The following DEPDC5 variants were observed in gnomAD, a reference collection of about 807,000 sequenced individuals.
DEPDC5 encodes the protein GATOR1 complex protein DEPDC5.
Under a neutral mutation model 217.3 loss-of-function variants are expected in DEPDC5, and 73 were observed. That is an observed-to-expected ratio of 0.34 (90% CI 0.28 to 0.41). DEPDC5 has a LOEUF of 0.41. DEPDC5 is among the 10% of genes least tolerant of loss of function. DEPDC5 has a pLI of 1.00. For synonymous variants in DEPDC5, 733 were observed against 756.7 expected (o/e 0.97, Z 0.51); for missense variants, 1,675 against 2,070.1 (o/e 0.81, Z 3.70).
intron 41 of DEPDC5, among the ~76,000 whole-genome samples, chr22:31,903,378 A>C (rs71326510): frequency 1.0e-3 from 2 of 1,980 alleles, no homozygotes; most frequent in Non-Finnish European, 2.0e-3. Flanking sequence ...CCACACCTAA[A>C]CCCCCCCACC....
At chr22:31,862,795 G>C (rs2092561372) in intron 33 of DEPDC5, among the ~76,000 whole-genome samples, 1 of 152,120 alleles carries the variant, frequency 6.6e-6, no homozygotes, top group Non-Finnish European at 1.5e-5. Flanking sequence ...TGTAACCATA[G>C]GCAAATCCCT....
chr22:31,902,544 C>G (rs1302995604), intron 41 of DEPDC5, among the ~76,000 whole-genome samples: 1 of 151,698 alleles, frequency 6.6e-6, no homozygotes, highest in Non-Finnish European at 1.5e-5. Flanking sequence ...AGACCTAGCT[C>G]AGGTGCTTAG....
At chr22:31,828,617 T>C (rs1220620680) in intron 24 of DEPDC5, among the ~76,000 whole-genome samples, 1 of 152,230 alleles carries the variant, frequency 6.6e-6, no homozygotes, top group East Asian at 1.9e-4. Context: ...GATTCCTTTT[T>C]TTCAAAGACT....
intron 11 of DEPDC5, among the ~76,000 whole-genome samples, chr22:31,792,493 C>CT (rs1287992226): frequency 6.6e-6 from 1 of 150,852 alleles, no homozygotes; most frequent in Non-Finnish European, 1.5e-5. Flanking sequence ...GTAGTCCCAG[C>CT]TACCCAGGAG....
chr22:31,760,294 T>C (rs1402413269), intron 3 of DEPDC5, among the ~76,000 whole-genome samples: 1 of 151,616 alleles, frequency 6.6e-6, no homozygotes, highest in Non-Finnish European at 1.5e-5. Context: ...GGTCTCGATC[T>C]CCTGACCTCA....
intron 26 of DEPDC5, among the ~76,000 whole-genome samples, chr22:31,837,696 G>A (rs1366505609): frequency 6.6e-6 from 1 of 150,844 alleles, no homozygotes; most frequent in East Asian, 2.0e-4. Context: ...TTTATATTTG[G>A]GTAACTTTTT....
chr22:31,754,720 C>G (rs1176856915), intron 1 of DEPDC5, 142 bp from the exon 2 acceptor site: 1 of 608,098 alleles, frequency 1.6e-6, no homozygotes, highest in African/African-American at 1.9e-5. Context: ...CTCCTTGTAA[C>G]TGGAGGAGTG....
intron 36 of DEPDC5, 118 bp from the exon 37 acceptor site, chr22:31,876,039 G>A (rs1207176033): frequency 4.2e-6 from 3 of 715,830 alleles, no homozygotes; most frequent in East Asian, 5.0e-5. Context: ...TAATCTGGGG[G>A]TGGAGGGTAG....
chr22:31,805,134 G>T, intron 17 of DEPDC5: 1 of 377,880 alleles, frequency 2.6e-6, no homozygotes, highest in South Asian at 3.5e-5. Context: ...AAAATTTGAA[G>T]GACTTACTTC....
chr22:31,899,479 C>T (rs1417042244), intron 40 of DEPDC5, among the ~76,000 whole-genome samples: 3 of 152,072 alleles, frequency 2.0e-5, no homozygotes. Flanking sequence ...ACCTCCGCCT[C>T]CTGGGTTCAA....
intron 12 of DEPDC5, 94 bp from the exon 13 acceptor site, chr22:31,797,503 ACAT>A: frequency 1.0e-6 from 1 of 973,308 alleles, no homozygotes; most frequent in Non-Finnish European, 1.6e-6. Flanking sequence ...CTCCCTCGAC[ACAT>A]GGGTATTACA....
At chr22:31,760,545 C>A in intron 3 of DEPDC5, 111 bp from the exon 4 acceptor site, 1 of 898,070 alleles carries the variant, frequency 1.1e-6, no homozygotes, top group Admixed American at 2.6e-5. Context: ...CGTTGTTGTG[C>A]TGTAAGTCAC....
chr22:31,897,368 G>T, intron 39 of DEPDC5, 114 bp from the exon 40 acceptor site: 1 of 1,328,506 alleles, frequency 7.5e-7, no homozygotes, highest in Non-Finnish European at 1.0e-6. Context: ...GAATAAATGA[G>T]CATGCAAATC....
chr22:31,864,309 C>A (rs1308233042), intron 33 of DEPDC5, among the ~76,000 whole-genome samples: 1 of 151,022 alleles, frequency 6.6e-6, no homozygotes, highest in African/African-American at 2.4e-5. Context: ...GGGGTTTCAC[C>A]ATGTTAGGCT....
At chr22:31,802,683 G>A (rs1195728825) in intron 14 of DEPDC5, 21 bp from the exon 15 acceptor site, 2 of 1,528,030 alleles carry the variant, frequency 1.3e-6, no homozygotes, top group Non-Finnish European at 1.8e-6. Context: ...CATTATTGTG[G>A]AATTTTTGTT....
chr22:31,774,610 G>C lies in DEPDC5; in HGVS notation c.414-3489G>C, dbSNP rs537536599. On this transcript the variant is annotated intron_variant, in intron 7 of 42. Transcript: ENST00000651528. ...AATCCCAGCACTTTGAGAGGCTTAA[G>C]TGGGCAGATTGCTTGAGTCTGGGAG... Among the ~76,000 whole-genome samples, 5 of 149,458 alleles carry C rather than the reference G, an allele frequency of 3.3e-5. No individual in the cohort carries two copies. The East Asian group carries it at 1.1e-3, about 32-fold the overall frequency.
intron 41 of DEPDC5, 113 bp downstream of exon 41, chr22:31,901,915 C>A: frequency 1.0e-6 from 1 of 956,094 alleles, no homozygotes. Flanking sequence ...ATGTATTCCA[C>A]CAATGGCAAA....
At chr22:31,826,510 C>G (rs539464120) in intron 24 of DEPDC5, 2 of 423,502 alleles carry the variant, frequency 4.7e-6, no homozygotes, top group African/African-American at 4.1e-5. Flanking sequence ...TATGCTTCTT[C>G]CCTGTCTTTA....
At chr22:31,820,902 T>C (rs1002036893) in intron 22 of DEPDC5, among the ~76,000 whole-genome samples, 5 of 152,224 alleles carry the variant, frequency 3.3e-5, no homozygotes, top group African/African-American at 1.2e-4. Context: ...TGTGGTCTCC[T>C]GCACGTTTTG....
Sources: gnomAD v4.1 joint callset for allele counts (sites outside exome capture counted in the v4.1 genomes callset) on GRCh38, gnomAD v4.1.1 for gene constraint, MANE v1.5 for transcripts, NCBI Gene and HGNC (gene_info 2026-07-23, HGNC 2026-07-21) for gene names.